Variants in KCNN3 observed in about 807,000 individuals in gnomAD.
The protein encoded by KCNN3 is small conductance calcium-activated potassium channel protein 3.
KCNN3 carries 16 observed loss-of-function variants against 62.9 expected under a neutral mutation model. The observed-to-expected ratio is 0.25, with a 90% CI of 0.17 to 0.39. The LOEUF (loss-of-function observed/expected upper bound fraction) is 0.39. KCNN3 is among the 10% of genes least tolerant of loss of function. The pLI, the probability that KCNN3 is intolerant of heterozygous loss-of-function variation, is 1.00. For missense variants in KCNN3, 599 were observed against 949.4 expected, an observed-to-expected ratio of 0.63 and a Z score of 4.85; for synonymous variants, 370 against 389.2, an observed-to-expected ratio of 0.95 and a Z score of 0.58.
intron 2 of KCNN3, among the ~76,000 whole-genome samples, chr1:154,802,154 G>T (rs919621784): frequency 6.6e-6 from 1 of 152,210 alleles, no homozygotes; most frequent in East Asian, 1.9e-4. Flanking sequence ...CCTTTAGGAA[G>T]GTACTGATAT....
chr1:154,761,690 G>A (rs1648021472), intron 3 of KCNN3, among the ~76,000 whole-genome samples: 1 of 152,116 alleles, frequency 6.6e-6, no homozygotes, highest in Non-Finnish European at 1.5e-5. Flanking sequence ...TGTAATCCCA[G>A]CACTTTGAGA....
intron 1 of KCNN3, among the ~76,000 whole-genome samples, chr1:154,831,754 C>G (rs1651386230): frequency 6.6e-6 from 1 of 152,070 alleles, no homozygotes; most frequent in African/African-American, 2.4e-5. Flanking sequence ...TTTTGGATGG[C>G]TCTTTTTCAA....
Position 154,726,018 on chromosome 1 carries a change from G to A in KCNN3, c.1599C>T (p.Gly533=). 2 of 1,613,610 alleles carry A rather than the reference G, an allele frequency of 1.2e-6. No individual in the cohort carries two copies. The highest frequency in any genetic ancestry group is 1.7e-6 in the Non-Finnish European group (2 of 1,179,618). ...CCACGGCCACCACAAGGGCAGTGCA[G>A]CCTGCACCCTGCGGGGGGACATCAA... ...VCLLTGIMGA[G]CTALVVAVVA... The change falls in exon 5 of 8, where the codon GGC becomes GGT. Residue 533 remains glycine, a synonymous_variant. Transcript: ENST00000271915.
chr1:154,771,108 T>TAAATAAAA (rs1557967436), intron 3 of KCNN3, among the ~76,000 whole-genome samples: 1 of 125,068 alleles, frequency 8.0e-6, no homozygotes, highest in East Asian at 2.2e-4. Context: ...AATAAATAAA[T>TAAATAAAA]AAAATGAAAA....
intron 7 of KCNN3, among the ~76,000 whole-genome samples, chr1:154,709,850 T>C (rs1326075856): frequency 6.6e-6 from 1 of 152,224 alleles, no homozygotes; most frequent in Non-Finnish European, 1.5e-5. Context: ...GGCACCCTGA[T>C]GAGCTCTGGA....
chr1:154,737,530 A>G (rs768770286), intron 3 of KCNN3, among the ~76,000 whole-genome samples: 21 of 152,202 alleles, frequency 1.4e-4, no homozygotes, highest in Non-Finnish European at 2.8e-4. Flanking sequence ...ACACAGATCA[A>G]ACCAGTCAAC....
intron 1 of KCNN3, among the ~76,000 whole-genome samples, chr1:154,863,994 C>A (rs1001673972): frequency 6.6e-6 from 1 of 152,254 alleles, no homozygotes; most frequent in African/African-American, 2.4e-5. Context: ...AAAGTCACCA[C>A]CACCCTGGGG....
chr1:154,726,130 G>T, intron 4 of KCNN3, 104 bp from the exon 5 acceptor site: 1 of 799,354 alleles, frequency 1.3e-6, no homozygotes, highest in Non-Finnish European at 2.1e-6. Context: ...TTTCCTGGGA[G>T]TGGAGTGGGA....
chr1:154,866,597 C>G (rs1201792337), intron 1 of KCNN3, among the ~76,000 whole-genome samples: 1 of 152,224 alleles, frequency 6.6e-6, no homozygotes, highest in East Asian at 1.9e-4. Flanking sequence ...CCAGAAAATA[C>G]TTGTTTCATA....
rs899529518 is a variant in KCNN3 at position 154,706,563 on chromosome 1, T to G, written c.*1413A>C. ...TTCTGAAGTCTCTTGGAGTTTGAGATGTATTGGAATAGTTTTTCGCACCAA... is the reference window on the plus strand; with the variant it reads ...TTCTGAAGTCTCTTGGAGTTTGAGAGGTATTGGAATAGTTTTTCGCACCAA... On this transcript the variant is annotated 3_prime_UTR_variant, in exon 8 of 8. Transcript: ENST00000271915. The G allele has an allele frequency of 6.6e-6, 1 of 152,232 alleles. No individual in the cohort carries two copies. The highest frequency in any genetic ancestry group is 1.5e-5 in the Non-Finnish European group (1 of 68,040). 9.4% of individuals were successfully genotyped at this position (152,232 alleles called of 1,614,324 possible).
chr1:154,715,952 T>C (rs1054623197), intron 5 of KCNN3, among the ~76,000 whole-genome samples: 4 of 152,162 alleles, frequency 2.6e-5, no homozygotes, highest in African/African-American at 9.7e-5. Context: ...CCAAAAACAT[T>C]TGCACTGCAA....
At chr1:154,815,453 G>T (rs1210508438) in intron 2 of KCNN3, among the ~76,000 whole-genome samples, 1 of 152,154 alleles carries the variant, frequency 6.6e-6, no homozygotes, top group Non-Finnish European at 1.5e-5. Flanking sequence ...TGGGAGAAAT[G>T]CATCACTCCC....
intron 2 of KCNN3, among the ~76,000 whole-genome samples, chr1:154,803,044 T>G (rs545078739): frequency 5.3e-5 from 8 of 152,294 alleles, no homozygotes; most frequent in Middle Eastern, 3.4e-3. Context: ...AAGTGCCTTA[T>G]GTTAGGGATG....
chr1:154,826,688 C>A (rs181451253), intron 1 of KCNN3, among the ~76,000 whole-genome samples: 96 of 152,354 alleles, frequency 6.3e-4, no homozygotes, highest in Non-Finnish European at 2.8e-4. Context: ...GAGTGTGTTC[C>A]CCAGCTTCTG....
chr1:154,811,167 C>T (rs115470763), intron 2 of KCNN3, among the ~76,000 whole-genome samples: 7 of 152,270 alleles, frequency 4.6e-5, no homozygotes, highest in Admixed American at 2.0e-4. Context: ...ATCAGAACCC[C>T]GGCCCGTGAC....
intron 3 of KCNN3, among the ~76,000 whole-genome samples, chr1:154,769,484 G>A (rs765919403): frequency 6.6e-6 from 1 of 152,282 alleles, no homozygotes; most frequent in East Asian, 1.9e-4. Flanking sequence ...CCCAGCCTCA[G>A]CTTGGAAGCT....
chr1:154,869,471 C>T lies in KCNN3; in HGVS notation c.494G>A (p.Arg165Gln). The change falls in exon 1 of 8, where the codon CGG becomes CAG. Residue 165 changes from arginine to glutamine, a missense_variant. Arg to Gln is a conservative substitution (Grantham distance 43). Coordinates refer to ENST00000271915, the MANE Select transcript of KCNN3 (RefSeq NM_002249.6). This position sits in a 1 kb window ranked among gnomAD's most constrained non-coding sequence, Gnocchi z 6.1. The part of the protein sequence containing the change: ...HRQASPLVHR[R>Q]DSNPFTEIAM... ...GATCTCCGTGAAGGGGTTGCTGTCCCGCCGGTGCACCAGGGGGCTGGCCTG... is the reference window on the plus strand; with the variant it reads ...GATCTCCGTGAAGGGGTTGCTGTCCTGCCGGTGCACCAGGGGGCTGGCCTG... 7 of 1,614,124 alleles carry T rather than the reference C, an allele frequency of 4.3e-6. No individual in the cohort carries two copies. Among genetic ancestry groups the T allele is most frequent in the Non-Finnish European group, 5.9e-6 (7 of 1,180,032 alleles).
chr1:154,798,650 G>A (rs1649833310), intron 2 of KCNN3, among the ~76,000 whole-genome samples: 1 of 152,236 alleles, frequency 6.6e-6, no homozygotes, highest in East Asian at 1.9e-4. Flanking sequence ...GGGGACCACA[G>A]TGACAAACAC....
intron 2 of KCNN3, among the ~76,000 whole-genome samples, chr1:154,820,610 G>A (rs772151630): frequency 2.6e-5 from 4 of 152,162 alleles, no homozygotes; most frequent in Admixed American, 1.3e-4. Context: ...TCTCGATTCC[G>A]TGGCCCTAGT....
Sources: gnomAD v4.1 joint callset for allele counts (sites outside exome capture counted in the v4.1 genomes callset) on GRCh38, gnomAD v4.1.1 for gene constraint, Gnocchi (gnomAD v3.1) non-coding constraint, MANE v1.5 for transcripts, NCBI Gene and HGNC (gene_info 2026-07-23, HGNC 2026-07-21) for gene names.